The following PLA2G4F variants were observed in gnomAD, a reference collection of about 807,000 sequenced individuals.
The protein encoded by PLA2G4F is phospholipase A2 group IVF, also known as cytosolic phospholipase A2 zeta.
Under a neutral mutation model 103.1 loss-of-function variants are expected in PLA2G4F, and 105 were observed. The observed-to-expected ratio is 1.02, with a 90% confidence interval of 0.87 to 1.20. The LOEUF (loss-of-function observed/expected upper bound fraction) is 1.20. PLA2G4F is among the 50% of genes most tolerant of loss of function. PLA2G4F has a pLI of 0.00. For missense variants in PLA2G4F, 1,155 were observed against 1,075.9 expected, an observed-to-expected ratio of 1.07 and a Z score of -1.03; for synonymous variants, 468 against 441.1, an observed-to-expected ratio of 1.06 and a Z score of -0.76.
intron 6 of PLA2G4F, 24 bp from the exon 7 acceptor site, chr15:42,152,778 G>A: frequency 2.6e-6 from 4 of 1,551,104 alleles, no homozygotes; most frequent in Non-Finnish European, 3.5e-6. Flanking sequence ...AGGCCTGTAG[G>A]AGCCAGACAG....
Position 42,146,754 on chromosome 15 carries a change from T to G in PLA2G4F, c.1419+370A>C, listed in dbSNP as rs981207335. The G allele has an allele frequency of 5.5e-5, 13 of 235,928 alleles. No homozygotes were observed. The Admixed American group carries it at 5.6e-4, about 10-fold the overall frequency. 14.6% of individuals were successfully genotyped at this position (235,928 alleles called of 1,614,324 possible). On this transcript the variant is annotated intron_variant, in intron 13 of 19. Transcript: ENST00000397272. ...AGTTATGGCGGAATTGGCTGAGAAG[T>G]GGGTGTGGCGCTGGGCCTCACTTCC...
chr15:42,139,202 G>A lies in PLA2G4F; in HGVS notation c.*2782C>T, dbSNP rs564362789. On this transcript the variant is annotated 3_prime_UTR_variant, in exon 20 of 20. Coordinates refer to ENST00000397272, the MANE Select transcript of PLA2G4F (RefSeq NM_213600.4). ...TCCCCTTTCAGGGAAGGTCATGGGC[G>A]TAGATGATCAAAGGTCAGTTCCTGG... The A allele has an allele frequency of 4.8e-4, 74 of 154,090 alleles. 1 individual carries two copies. In the South Asian group the frequency reaches 0.014, roughly 29 times the overall value. The allele number at this position is 154,090 out of a possible 1,614,324, so 9.5% of individuals were successfully genotyped here. A position where few individuals can be genotyped will look rare whatever the true frequency, so the allele number is the denominator to read the frequency against.
intron 7 of PLA2G4F, 125 bp downstream of exon 7, chr15:42,152,563 A>G (rs1252677252): frequency 9.9e-7 from 1 of 1,009,236 alleles, no homozygotes; most frequent in Non-Finnish European, 1.5e-6. Context: ...AATCCATCCC[A>G]TCGTTAGTCG....
At position 42,143,488 on chromosome 15, in the gene PLA2G4F, C is replaced by G. The variant is rs146896298; in HGVS notation, c.2142+490G>C. The stretch of plus-strand genomic sequence containing the variant: ...AGAGGAGACCAAAGGAAGGGCTGCT[C>G]CAGCAGCACCACCAGCACCCACATG... On this transcript the variant is annotated intron_variant, in intron 18 of 19. Coordinates refer to ENST00000397272, the MANE Select transcript of PLA2G4F (RefSeq NM_213600.4). Among the ~76,000 whole-genome samples the G allele has an allele frequency of 3.9e-3, 595 of 152,296 alleles. 3 individuals carry two copies. Among genetic ancestry groups the G allele is most frequent in the African/African-American group, 0.014 (576 of 41,564 alleles).
chr15:42,150,433 G>A lies in PLA2G4F; in HGVS notation c.825C>T (p.Gly275=), dbSNP rs1191147827. Reference sequence around the variant, plus strand: ...CTAGGGGCAGAGAGGAGAGCAGGATGCCCCCCTCGCCCAGCTTGCTGGTCT... The same window carrying A: ...CTAGGGGCAGAGAGGAGAGCAGGATACCCCCCTCGCCCAGCTTGCTGGTCT... ...EAQTSKLGEG[G]ILLSSLPLGQ... Residue 275 remains glycine (G), a synonymous_variant, in exon 9 of 20, where the codon GGC becomes GGT. Transcript: ENST00000397272. 6.2e-7 allele frequency: 1 copy of A among 1,613,426 alleles called. No homozygotes were observed. Among genetic ancestry groups the A allele is most frequent in the Non-Finnish European group, 8.5e-7 (1 of 1,179,926 alleles).
intron 11 of PLA2G4F, 192 bp downstream of exon 11, chr15:42,149,521 T>C (rs1047460904): frequency 1.0e-6 from 1 of 985,422 alleles, no homozygotes; most frequent in Non-Finnish European, 1.2e-6. Flanking sequence ...GCGGCCCACA[T>C]AGACATCCAG....
rs2048882945 is a variant in PLA2G4F at position 42,146,169 on chromosome 15, T to C, written c.1492A>G (p.Ser498Gly). Reference sequence around the variant, plus strand: ...CTCAAGTTGGTGCGGACGTTGACACTGGTGTAAATGGGGTAAGGGTTCTGA... The same window carrying C: ...CTCAAGTTGGTGCGGACGTTGACACCGGTGTAAATGGGGTAAGGGTTCTGA... ...QGQNPYPIYT[S>G]VNVRTNLSGE... Residue 498 changes from serine to glycine, a missense_variant, in exon 14 of 20, where the codon AGT (serine) becomes GGT (glycine). Transcript: ENST00000397272. 1 of 1,614,212 alleles carries C rather than the reference T, an allele frequency of 6.2e-7. No individual in the cohort carries two copies. The highest frequency in any genetic ancestry group is 8.5e-7 in the Non-Finnish European group (1 of 1,180,014).
chr15:42,148,885 T>C lies in PLA2G4F; in HGVS notation c.1059+828A>G, dbSNP rs2048922451. The C allele has an allele frequency of 4.1e-6, 4 of 985,358 alleles. No individual in the cohort carries two copies. The South Asian group carries it at 1.9e-4, about 46-fold the overall frequency. The allele number at this position is 985,358 out of a possible 1,614,324, so 61.0% of individuals were successfully genotyped here. Reference sequence around the variant, plus strand: ...AGAAGGCGCTGTCGCTTCAGAGTGCTGGATGAGACAGAGCAGACACCTAGC... The same window carrying C: ...AGAAGGCGCTGTCGCTTCAGAGTGCCGGATGAGACAGAGCAGACACCTAGC... On this transcript the variant is annotated intron_variant, in intron 11 of 19. Transcript: ENST00000397272.
At chr15:42,147,556 G>T (rs2048906331) in intron 12 of PLA2G4F, 70 bp downstream of exon 12, 1 of 1,560,206 alleles carries the variant, frequency 6.4e-7, no homozygotes. Flanking sequence ...GACTCCTTAA[G>T]ATCACCAGGT....
At chr15:42,155,099 AC>A (rs1210059009) in intron 2 of PLA2G4F, among the ~76,000 whole-genome samples, 2 of 118,958 alleles carry the variant, frequency 1.7e-5, no homozygotes, top group East Asian at 5.0e-4. Flanking sequence ...ACGTATACAC[AC>A]ATACACACTC....
rs1464938206 is a variant in PLA2G4F at position 42,149,935 on chromosome 15, C to T, written c.924-87G>A. The T allele has an allele frequency of 3.2e-6, 5 of 1,552,014 alleles. No homozygotes were observed. The East Asian group carries it at 9.0e-5, about 28-fold the overall frequency. ...CCTTGGGCCCAGCCCAGGTCTTTCA[C>T]AGGAGCAGGTCCAAGGGATCCGCCC... On this transcript the variant is annotated intron_variant, in intron 10 of 19. Transcript: ENST00000397272.
At position 42,146,965 on chromosome 15, in the gene PLA2G4F, A is replaced by AGGG; in HGVS notation, c.1419+158_1419+159insCCC. 14 of 698,158 alleles carry AGGG rather than the reference A, an allele frequency of 2.0e-5. No individual in the cohort carries two copies. The South Asian group carries it at 2.7e-4, about 13-fold the overall frequency. The allele number at this position is 698,158 out of a possible 1,614,324, so 43.2% of individuals were successfully genotyped here. A position where few individuals can be genotyped will look rare whatever the true frequency, so the allele number is the denominator to read the frequency against. On this transcript the variant is annotated intron_variant, in intron 13 of 19. Coordinates refer to ENST00000397272, the MANE Select transcript of PLA2G4F (RefSeq NM_213600.4). Reference sequence around the variant, plus strand: ...TTAGGAGCTAGGGAGGCAAAATGGTACCAGCCCACCCTGGAGTCACACTCC... The same window carrying AGGG: ...TTAGGAGCTAGGGAGGCAAAATGGTAGGGCCAGCCCACCCTGGAGTCACACTCC...
rs1218801707 is a variant in PLA2G4F, at chr15:42,140,114, T to C, written c.*1870A>G. On this transcript the variant is annotated 3_prime_UTR_variant, in exon 20 of 20. Transcript: ENST00000397272. ...AAAAGTCCACATGGGTTAGGAATCATGAAAGCATTGCATGCTTTTTTGTGG... is the reference window on the plus strand; with the variant it reads ...AAAAGTCCACATGGGTTAGGAATCACGAAAGCATTGCATGCTTTTTTGTGG... 6.6e-6 allele frequency: 1 copy of C among 152,234 alleles called. No individual in the cohort carries two copies. The highest frequency in any genetic ancestry group is 1.5e-5 in the Non-Finnish European group (1 of 68,048). 9.4% of individuals were successfully genotyped at this position (152,234 alleles called of 1,614,324 possible). A position where few individuals can be genotyped will look rare whatever the true frequency, so the allele number is the denominator to read the frequency against.
Position 42,141,060 on chromosome 15 carries a change from C to A in PLA2G4F, c.*924G>T. On this transcript the variant is annotated 3_prime_UTR_variant, in exon 20 of 20. Coordinates refer to ENST00000397272, the MANE Select transcript of PLA2G4F (RefSeq NM_213600.4). ...CCATTGGATGCATCTGGGAAAGAGG[C>A]AAGAGCCCAGGCGAGGCTCCCTCTG... 3 of 354,978 alleles carry A rather than the reference C, an allele frequency of 8.5e-6. No individual in the cohort carries two copies. The highest frequency in any genetic ancestry group is 7.4e-5 in the East Asian group (1 of 13,424). The allele number at this position is 354,978 out of a possible 1,614,324, so 22.0% of individuals were successfully genotyped here. A position where few individuals can be genotyped will look rare whatever the true frequency, so the allele number is the denominator to read the frequency against.
chr15:42,146,782 G>A (rs1367913417), intron 13 of PLA2G4F: 2 of 254,956 alleles, frequency 7.8e-6, no homozygotes, highest in Non-Finnish European at 1.5e-5. Context: ...TCACTTCCAG[G>A]TGTGGGCTGA....
chr15:42,147,330 A>G lies in PLA2G4F; in HGVS notation c.1213T>C (p.Tyr405His), dbSNP rs1418447286. The G allele has an allele frequency of 1.9e-6, 3 of 1,607,470 alleles. No individual in the cohort carries two copies. The highest frequency in any genetic ancestry group is 2.7e-5 in the African/African-American group (2 of 74,936). The stretch of plus-strand genomic sequence containing the variant: ...ACCTGGGACCAGGCTGGGTCCCTGT[A>G]GAGTGTGGAGATGCACCTGGGGATT... ...SGSTWCISTL[Y>H]RDPAWSQVAL... The change falls in exon 13 of 20, where the codon TAC becomes CAC. Residue 405 changes from tyrosine to histidine, a missense_variant. Tyr to His is a moderately conservative substitution (Grantham distance 83). Coordinates refer to ENST00000397272, the MANE Select transcript of PLA2G4F (RefSeq NM_213600.4).
rs145292197 is a variant in PLA2G4F at position 42,147,235 on chromosome 15, C to T, written c.1308G>A (p.Thr436=). The change falls in exon 13 of 20, where the codon ACG becomes ACA. Residue 436 remains threonine (T), a synonymous_variant. Transcript: ENST00000397272. The part of the protein sequence containing the change: ...VCSSKMGALS[T]ERLQYYTQEL... ...CCTGAGTGTAGTACTGTAGCCGCTC[C>T]GTGGACAAAGCTCCCATCTTACTGC... The T allele has an allele frequency of 3.2e-5, 51 of 1,612,746 alleles. No homozygotes were observed. Among genetic ancestry groups the T allele is most frequent in the Admixed American group, 1.5e-4 (9 of 60,022 alleles).
intron 11 of PLA2G4F, chr15:42,148,568 T>G: frequency 2.1e-6 from 2 of 945,828 alleles, no homozygotes; most frequent in Non-Finnish European, 2.5e-6. Flanking sequence ...TCTCTACACA[T>G]GGATGAATGT....
chr15:42,152,484 T>C (rs1239374102), intron 7 of PLA2G4F, among the ~76,000 whole-genome samples: 1 of 152,184 alleles, frequency 6.6e-6, no homozygotes, highest in Non-Finnish European at 1.5e-5. Flanking sequence ...TGTAGAGCAA[T>C]AGTTGGGCGG....
Sources: allele counts gnomAD v4.1 joint callset (sites outside exome capture counted in the v4.1 genomes callset), GRCh38; gene constraint gnomAD v4.1.1; transcripts MANE v1.5; gene names NCBI Gene and HGNC (gene_info 2026-07-23, HGNC 2026-07-21).